PPFIA1: variants seen among roughly 807,000 people sequenced by gnomAD.
PPFIA1 encodes PPFI scaffold protein A1.
A neutral mutation model predicts 149.9 loss-of-function variants in PPFIA1; 25 were observed. That is an observed-to-expected ratio of 0.17 (90% confidence interval 0.12 to 0.23). The LOEUF (loss-of-function observed/expected upper bound fraction) is 0.23, where lower values mean the gene tolerates loss of function less well. Among genes scored for constraint, PPFIA1 ranks in the 10% least tolerant of loss-of-function variants. The pLI is 1.00. For synonymous variants in PPFIA1, 549 were observed against 552.8 expected, an observed-to-expected ratio of 0.99 and a Z score of 0.10; for missense variants, 1,362 against 1,506.5, an observed-to-expected ratio of 0.90 and a Z score of 1.59.
At chr11:70,319,231 G>T (rs138145887) in intron 2 of PPFIA1, among the ~76,000 whole-genome samples, 13 of 152,310 alleles carry the variant, frequency 8.5e-5, no homozygotes, top group African/African-American at 3.1e-4. Flanking sequence ...AGGAGCTCCT[G>T]CTGGCTCTGT....
At chr11:70,376,802 C>T (rs1302716712) in intron 25 of PPFIA1, among the ~76,000 whole-genome samples, 4 of 152,162 alleles carry the variant, frequency 2.6e-5, no homozygotes, top group Non-Finnish European at 4.4e-5. Context: ...CCGGGCACGG[C>T]GGCTCGCACC....
intron 26 of PPFIA1, 73 bp from the exon 27 acceptor site, chr11:70,382,015 G>A: frequency 7.5e-7 from 1 of 1,328,610 alleles, no homozygotes; most frequent in Admixed American, 1.8e-5. Context: ...GTGTCTACTT[G>A]TGCCCTCATG....
chr11:70,323,622 C>T (rs2054093773), intron 2 of PPFIA1, among the ~76,000 whole-genome samples: 1 of 152,200 alleles, frequency 6.6e-6, no homozygotes, highest in East Asian at 1.9e-4. Context: ...TCAAATACAA[C>T]AGACTCTGGC....
At chr11:70,325,790 A>G (rs2054232365) in intron 5 of PPFIA1, among the ~76,000 whole-genome samples, 1 of 151,982 alleles carries the variant, frequency 6.6e-6, no homozygotes, top group Non-Finnish European at 1.5e-5. Flanking sequence ...AAAATTAGCC[A>G]GGAGTTGTGG....
At chr11:70,307,425 C>T (rs1210800212) in intron 2 of PPFIA1, among the ~76,000 whole-genome samples, 2 of 152,046 alleles carry the variant, frequency 1.3e-5, no homozygotes, top group Admixed American at 6.5e-5. Flanking sequence ...ATATCCTTAA[C>T]TGAAGAAAAG....
At chr11:70,294,036 G>A (rs568837502) in intron 2 of PPFIA1, among the ~76,000 whole-genome samples, 5 of 149,338 alleles carry the variant, frequency 3.3e-5, no homozygotes, top group South Asian at 2.1e-4. Context: ...TCCTGGGCTC[G>A]AGCAATCCTC....
intron 2 of PPFIA1, among the ~76,000 whole-genome samples, chr11:70,292,431 C>G (rs2051598685): frequency 6.6e-6 from 1 of 152,238 alleles, no homozygotes; most frequent in African/African-American, 2.4e-5. Context: ...GGAGCATGGG[C>G]TTGGAGCCAG....
intron 2 of PPFIA1, among the ~76,000 whole-genome samples, chr11:70,295,679 C>G (rs542503864): frequency 7.1e-5 from 9 of 126,904 alleles, no homozygotes; most frequent in African/African-American, 1.6e-4. Context: ...GCTGGCCGGG[C>G]CGGGGGCTGA....
At chr11:70,281,160 C>T (rs779215249) in intron 2 of PPFIA1, among the ~76,000 whole-genome samples, 7 of 151,912 alleles carry the variant, frequency 4.6e-5, no homozygotes, top group Non-Finnish European at 7.4e-5. Flanking sequence ...TTGATAACGC[C>T]CATTTTTGTT....
At chr11:70,284,886 G>A (rs1263548393) in intron 2 of PPFIA1, among the ~76,000 whole-genome samples, 1 of 152,182 alleles carries the variant, frequency 6.6e-6, no homozygotes, top group African/African-American at 2.4e-5. Context: ...TCAGACAGAG[G>A]TGAAGACTTG....
chr11:70,326,855 T>G (rs1170971252), intron 7 of PPFIA1, 37 bp downstream of exon 7: 1 of 1,551,202 alleles, frequency 6.4e-7, no homozygotes, highest in Non-Finnish European at 8.9e-7. Flanking sequence ...TGTCATGAAG[T>G]TGTATGTTTG....
Position 70,354,460 on chromosome 11 carries a change from G to C in PPFIA1, c.2315+8G>C, listed in dbSNP as rs1565438305. ...CATCAGGGACATAAGGAAGTAAGGA[G>C]CCTGCAGCAGCCCCATGCAGAGCGC... On this transcript the variant is annotated splice_region_variant and intron_variant, in intron 17 of 27. Coordinates refer to ENST00000253925, the MANE Select transcript of PPFIA1 (RefSeq NM_003626.5). 2 of 1,609,360 alleles carry C rather than the reference G, an allele frequency of 1.2e-6. No homozygotes were observed. The highest frequency in any genetic ancestry group is 2.2e-5 in the South Asian group (2 of 90,294).
At chr11:70,273,524 C>T (rs541611286) in intron 2 of PPFIA1, among the ~76,000 whole-genome samples, 1 of 152,248 alleles carries the variant, frequency 6.6e-6, no homozygotes, top group Admixed American at 6.5e-5. Flanking sequence ...TCAGGTAGAC[C>T]CGCATAAGCA....
At chr11:70,339,853 A>G (rs1026991037) in intron 14 of PPFIA1, among the ~76,000 whole-genome samples, 2 of 152,104 alleles carry the variant, frequency 1.3e-5, no homozygotes, top group African/African-American at 4.8e-5. Context: ...CGTCTCTACT[A>G]AAAATACAAA....
chr11:70,297,577 A>C (rs2052163105), intron 2 of PPFIA1, among the ~76,000 whole-genome samples: 1 of 152,192 alleles, frequency 6.6e-6, no homozygotes, highest in Non-Finnish European at 1.5e-5. Context: ...TCATATTCAA[A>C]ATATGAGTAA....
rs958583595 is a variant in PPFIA1 at position 70,337,625 on chromosome 11, A to G, written c.1491+198A>G. 3.9e-5 allele frequency among the ~76,000 whole-genome samples: 6 copies of G among 152,196 alleles called. No homozygotes were observed. The East Asian group carries it at 9.6e-4, about 24-fold the overall frequency. On this transcript the variant is annotated intron_variant, in intron 12 of 27. Transcript: ENST00000253925. ...GGTGATTTTGAGTCTGGCTATGCAT[A>G]TGGTTCAGAATTCGGAGTCCTTTCT...
intron 16 of PPFIA1, among the ~76,000 whole-genome samples, chr11:70,352,756 GGCGGC>G (rs2056136926): frequency 8.8e-6 from 1 of 113,486 alleles, no homozygotes; most frequent in African/African-American, 4.2e-5. Context: ...GGGGTGGGAG[GGCGGC>G]GTGTGGAGGT....
chr11:70,366,478 T>C (rs947938555), intron 21 of PPFIA1, among the ~76,000 whole-genome samples: 7 of 152,242 alleles, frequency 4.6e-5, no homozygotes, highest in African/African-American at 1.7e-4. Context: ...AGCCTCTTCT[T>C]GAGTACTGTA....
At chr11:70,304,606 G>T (rs2052718502) in intron 2 of PPFIA1, among the ~76,000 whole-genome samples, 1 of 152,214 alleles carries the variant, frequency 6.6e-6, no homozygotes, top group Non-Finnish European at 1.5e-5. Context: ...CAGAAGCACA[G>T]GTCACAACCT....
Sources: allele counts gnomAD v4.1 joint callset (sites outside exome capture counted in the v4.1 genomes callset), GRCh38; gene constraint gnomAD v4.1.1; transcripts MANE v1.5; gene names NCBI Gene and HGNC (gene_info 2026-07-23, HGNC 2026-07-21).